FHIP2A: variants seen among roughly 807,000 people sequenced by gnomAD.
The protein encoded by FHIP2A is family with sequence similarity 160 member B1.
FHIP2A carries 46 observed loss-of-function variants against 93.5 expected under a neutral mutation model. The ratio of observed to expected loss-of-function variants is 0.49; its 90% CI spans 0.39 to 0.63. FHIP2A has a LOEUF of 0.63. FHIP2A is among the 20% of genes least tolerant of loss of function. The pLI is 0.00. For missense variants in FHIP2A, 769 were observed against 909.7 expected (o/e 0.85, Z 1.99); for synonymous variants, 332 against 326.5 (o/e 1.02, Z -0.18).
At chr10:114,890,287 C>G (rs2083964025) in intron 16 of FHIP2A, among the ~76,000 whole-genome samples, 1 of 152,012 alleles carries the variant, frequency 6.6e-6, no homozygotes, top group African/African-American at 2.4e-5. Context: ...CTTGGCCTCC[C>G]AAAGTGCTGG....
chr10:114,874,047 G>A (rs533045566), intron 16 of FHIP2A, among the ~76,000 whole-genome samples: 35 of 152,286 alleles, frequency 2.3e-4, no homozygotes, highest in African/African-American at 7.5e-4. Flanking sequence ...GACTAGACAC[G>A]TGGTATTTAT....
intron 16 of FHIP2A, among the ~76,000 whole-genome samples, chr10:114,895,755 AATCTAGCTGAAC>A (rs1005360312): frequency 5.9e-5 from 9 of 152,192 alleles, no homozygotes; most frequent in African/African-American, 2.2e-4. Context: ...TGCTTGATCC[AATCTAGCTGAAC>A]AACTATCCCT....
chr10:114,894,546 G>A (rs537910837), intron 16 of FHIP2A, among the ~76,000 whole-genome samples: 1 of 152,314 alleles, frequency 6.6e-6, no homozygotes, highest in Admixed American at 6.5e-5. Context: ...TGCAGCCTGG[G>A]TGACAGAGTG....
chr10:114,881,189 G>A (rs927423056), intron 16 of FHIP2A, among the ~76,000 whole-genome samples: 1 of 152,134 alleles, frequency 6.6e-6, no homozygotes, highest in African/African-American at 2.4e-5. Flanking sequence ...CGCAGTGAGC[G>A]GAAATATTTT....
Position 114,863,876 on chromosome 10 carries a change from T to C in FHIP2A, c.*2336T>C. 2.8e-6 allele frequency: 3 copies of C among 1,090,412 alleles called. 1 individual carries two copies. In the South Asian group the frequency reaches 6.8e-5, roughly 25 times the overall value. The allele number at this position is 1,090,412 out of a possible 1,614,324, so 67.5% of individuals were successfully genotyped here. A position where few individuals can be genotyped will look rare whatever the true frequency, so the allele number is the denominator to read the frequency against. ...GAATTTCAGCCTTGCTTCACATTTG[T>C]ATCAATAAATATGCACATTTTTTAA... On this transcript the variant is annotated 3_prime_UTR_variant, in exon 17 of 17. Coordinates refer to ENST00000369248, the MANE Select transcript of FHIP2A (RefSeq NM_020940.4).
chr10:114,834,401 T>A (rs1315671315), intron 3 of FHIP2A, among the ~76,000 whole-genome samples: 1 of 152,228 alleles, frequency 6.6e-6, no homozygotes, highest in Non-Finnish European at 1.5e-5. Flanking sequence ...ATTGTACGTC[T>A]AGTAAATTTA....
chr10:114,869,984 G>C (rs954122904), intron 16 of FHIP2A, among the ~76,000 whole-genome samples: 2 of 152,122 alleles, frequency 1.3e-5, no homozygotes, highest in African/African-American at 4.8e-5. Flanking sequence ...CATTTCAATG[G>C]AAAGGAAAAG....
intron 13 of FHIP2A, among the ~76,000 whole-genome samples, chr10:114,854,583 A>G (rs2083756118): frequency 6.6e-6 from 1 of 152,226 alleles, no homozygotes; most frequent in South Asian, 2.1e-4. Flanking sequence ...GATTCAACAG[A>G]CATAAAACTC....
intron 1 of FHIP2A, among the ~76,000 whole-genome samples, chr10:114,824,369 T>C (rs2083561216): frequency 6.6e-6 from 1 of 152,364 alleles, no homozygotes; most frequent in Non-Finnish European, 1.5e-5. Flanking sequence ...TGCCAAATTA[T>C]CTGGCTCCTG....
intron 14 of FHIP2A, among the ~76,000 whole-genome samples, chr10:114,857,752 T>C (rs934003636): frequency 2.0e-5 from 3 of 152,240 alleles, no homozygotes; most frequent in African/African-American, 7.2e-5. Flanking sequence ...AATGTCTTCA[T>C]GCATAATTGA....
rs1160932133 is a variant in FHIP2A, at chr10:114,863,877, A to G, written c.*2337A>G. Reference sequence around the variant, plus strand: ...AATTTCAGCCTTGCTTCACATTTGTATCAATAAATATGCACATTTTTTAAA... The same window carrying G: ...AATTTCAGCCTTGCTTCACATTTGTGTCAATAAATATGCACATTTTTTAAA... On this transcript the variant is annotated 3_prime_UTR_variant, in exon 17 of 17. Coordinates refer to ENST00000369248, the MANE Select transcript of FHIP2A (RefSeq NM_020940.4). 2 of 1,090,672 alleles carry G rather than the reference A, an allele frequency of 1.8e-6. No homozygotes were observed. Among genetic ancestry groups the G allele is most frequent in the African/African-American group, 3.4e-5 (2 of 58,740 alleles). 67.6% of individuals were successfully genotyped at this position (1,090,672 alleles called of 1,614,324 possible).
chr10:114,888,565 A>C (rs972122166), intron 16 of FHIP2A, among the ~76,000 whole-genome samples: 2 of 152,106 alleles, frequency 1.3e-5, no homozygotes, highest in Non-Finnish European at 2.9e-5. Context: ...TTAAGTAAGC[A>C]CCTCCAGATC....
intron 6 of FHIP2A, among the ~76,000 whole-genome samples, chr10:114,843,515 G>T (rs2083682030): frequency 2.0e-5 from 3 of 151,902 alleles, no homozygotes; most frequent in Non-Finnish European, 1.5e-5. Flanking sequence ...TGTTGACCAG[G>T]CTGGTCTCAA....
chr10:114,846,471 G>A (rs906709166), intron 10 of FHIP2A, 88 bp from the exon 11 acceptor site: 2 of 1,434,572 alleles, frequency 1.4e-6, no homozygotes, highest in Non-Finnish European at 9.5e-7. Context: ...ATTGGCTTTA[G>A]AAATTGAAAG....
At chr10:114,842,333 G>A (rs2083673723) in intron 5 of FHIP2A, among the ~76,000 whole-genome samples, 1 of 151,960 alleles carries the variant, frequency 6.6e-6, no homozygotes, top group African/African-American at 2.4e-5. Context: ...CCAAAGTGCT[G>A]GTATTACAGG....
At chr10:114,875,017 G>A (rs190950333) in intron 16 of FHIP2A, among the ~76,000 whole-genome samples, 2 of 152,318 alleles carry the variant, frequency 1.3e-5, no homozygotes, top group Non-Finnish European at 1.5e-5. Context: ...GGCAGCGCTC[G>A]TGCATCTTCA....
At chr10:114,877,335 G>C (rs1308393254) in intron 16 of FHIP2A, among the ~76,000 whole-genome samples, 2 of 152,098 alleles carry the variant, frequency 1.3e-5, no homozygotes, top group Non-Finnish European at 2.9e-5. Context: ...TCAATTAGTA[G>C]GGCAACTGGA....
chr10:114,877,942 T>G (rs944726373), intron 16 of FHIP2A, among the ~76,000 whole-genome samples: 1 of 152,160 alleles, frequency 6.6e-6, no homozygotes, highest in African/African-American at 2.4e-5. Flanking sequence ...AGCAAAAATT[T>G]TTTAAAGGGA....
At chr10:114,885,839 G>C (rs1430193766) in intron 16 of FHIP2A, among the ~76,000 whole-genome samples, 1 of 152,236 alleles carries the variant, frequency 6.6e-6, no homozygotes, top group African/African-American at 2.4e-5. Context: ...GTGGTGAAGA[G>C]AGTGTAGAGA....
Sources: gnomAD v4.1 joint callset for allele counts (sites outside exome capture counted in the v4.1 genomes callset) on GRCh38, gnomAD v4.1.1 for gene constraint, MANE v1.5 for transcripts, NCBI Gene and HGNC (gene_info 2026-07-23, HGNC 2026-07-21) for gene names.